CPPED1: variants seen among roughly 807,000 people sequenced by gnomAD.
The protein encoded by CPPED1 is serine/threonine-protein phosphatase CPPED1.
Under a neutral mutation model 28.0 loss-of-function variants are expected in CPPED1, and 28 were observed. The observed-to-expected ratio is 1.00, with a 90% CI of 0.74 to 1.37. The LOEUF is 1.37. Ranked by LOEUF, CPPED1 falls within the 40% of genes most tolerant of loss-of-function variation. The probability of loss-of-function intolerance (pLI) is 0.00; values close to 1 mark genes in which losing one functional copy is unlikely to be tolerated. For synonymous variants in CPPED1, 198 were observed against 180.2 expected (o/e 1.10, Z -0.79); for missense variants, 504 against 416.5 (o/e 1.21, Z -1.83).
In CPPED1 at chr16:12,665,960, T is replaced by C. The variant is rs189421036; in HGVS notation, c.716-845A>G. The stretch of plus-strand genomic sequence containing the variant: ...ACATAAACCAACAAATAAATAAATA[T>C]AAAAAAATTAGGAGGGCCTGGTGGC... On this transcript the variant is annotated intron_variant, in intron 3 of 3. Coordinates refer to ENST00000381774, the MANE Select transcript of CPPED1 (RefSeq NM_018340.3). 1.3e-3 allele frequency among the ~76,000 whole-genome samples: 195 copies of C among 151,262 alleles called. 1 individual carries two copies. Among genetic ancestry groups the C allele is most frequent in the African/African-American group, 4.5e-3 (184 of 41,196 alleles).
intron 1 of CPPED1, among the ~76,000 whole-genome samples, chr16:12,798,069 G>A (rs1234039418): frequency 1.3e-5 from 2 of 152,050 alleles, no homozygotes; most frequent in Non-Finnish European, 2.9e-5. Context: ...GGGTGACAGA[G>A]CAAGACCACC....
At chr16:12,746,993 G>C (rs2080293266) in intron 2 of CPPED1, among the ~76,000 whole-genome samples, 2 of 150,580 alleles carry the variant, frequency 1.3e-5, no homozygotes, top group Admixed American at 1.3e-4. Flanking sequence ...ACAACATATA[G>C]AAAAATGGGA....
rs2079941315 is a variant in CPPED1 at position 12,687,853 on chromosome 16, A to C, written c.715+16771T>G. 2.0e-5 allele frequency among the ~76,000 whole-genome samples: 3 copies of C among 152,136 alleles called. No homozygotes were observed. In the South Asian group the frequency reaches 6.2e-4, roughly 32 times the overall value. ...ACTCAATTAATTGAACAGATGCCCC[A>C]AAAGCAGGCACTTAACTGAGTGATT... is the stretch of plus-strand genomic sequence containing the variant. On this transcript the variant is annotated intron_variant, in intron 3 of 3. Coordinates refer to ENST00000381774, the MANE Select transcript of CPPED1 (RefSeq NM_018340.3).
intron 1 of CPPED1, among the ~76,000 whole-genome samples, chr16:12,799,696 A>T (rs1296449012): frequency 6.6e-6 from 1 of 152,208 alleles, no homozygotes; most frequent in Non-Finnish European, 1.5e-5. Flanking sequence ...GGAATTGTCA[A>T]TGAGTGCAAT....
chr16:12,781,146 TGAA>T, intron 2 of CPPED1, 36 bp downstream of exon 2: 1 of 1,573,780 alleles, frequency 6.4e-7, no homozygotes, highest in Non-Finnish European at 8.7e-7. Flanking sequence ...CATGACCGGC[TGAA>T]GGAGAAAAGG....
At chr16:12,762,948 G>A (rs1019419239) in intron 2 of CPPED1, among the ~76,000 whole-genome samples, 1 of 152,028 alleles carries the variant, frequency 6.6e-6, no homozygotes, top group African/African-American at 2.4e-5. Flanking sequence ...GAAGTCTTGC[G>A]CCGGGCACGG....
chr16:12,787,997 T>A (rs1413033962), intron 1 of CPPED1, among the ~76,000 whole-genome samples: 1 of 152,292 alleles, frequency 6.6e-6, no homozygotes, highest in East Asian at 1.9e-4. Context: ...CAGCTCCTTG[T>A]AGGTTGTAGG....
chr16:12,760,631 C>T (rs2865628), intron 2 of CPPED1: 28,036 of 152,094 alleles, frequency 0.18, 3,186 homozygotes, highest in East Asian at 0.29. Flanking sequence ...CAACTGTCTC[C>T]TGTTCAGAAG....
intron 2 of CPPED1, among the ~76,000 whole-genome samples, chr16:12,738,020 A>T (rs1567291187): frequency 6.6e-6 from 1 of 152,224 alleles, no homozygotes; most frequent in Non-Finnish European, 1.5e-5. Context: ...TTAACACGGT[A>T]CCCGACGCAG....
intron 2 of CPPED1, chr16:12,759,152 G>C (rs1461582944): frequency 9.2e-6 from 1 of 109,122 alleles, no homozygotes; most frequent in African/African-American, 3.6e-5. Context: ...AACAGACGAA[G>C]ACTCTGTCTC....
chr16:12,666,151 C>G (rs1330902402), intron 3 of CPPED1, among the ~76,000 whole-genome samples: 1 of 151,612 alleles, frequency 6.6e-6, no homozygotes, highest in East Asian at 1.9e-4. Flanking sequence ...TTATGGCATT[C>G]TAATTAAGGT....
At chr16:12,742,029 G>A (rs981450050) in intron 2 of CPPED1, among the ~76,000 whole-genome samples, 2 of 151,980 alleles carry the variant, frequency 1.3e-5, no homozygotes, top group African/African-American at 4.8e-5. Flanking sequence ...TCAGACCACT[G>A]CACTCCAGCC....
At chr16:12,747,163 C>T (rs1219459025) in intron 2 of CPPED1, among the ~76,000 whole-genome samples, 1 of 151,836 alleles carries the variant, frequency 6.6e-6, no homozygotes, top group Non-Finnish European at 1.5e-5. Flanking sequence ...GGCATGGTGG[C>T]TCATGTCTGT....
chr16:12,743,143 A>G (rs915630172), intron 2 of CPPED1, among the ~76,000 whole-genome samples: 1 of 152,240 alleles, frequency 6.6e-6, no homozygotes, highest in African/African-American at 2.4e-5. Context: ...CCCAAAATCC[A>G]GGTTCTCAGA....
At position 12,682,876 on chromosome 16, in the gene CPPED1, T is replaced by C. The variant is rs1320390673; in HGVS notation, c.716-17761A>G. Among the ~76,000 whole-genome samples the C allele has an allele frequency of 1.3e-5, 2 of 152,240 alleles. No homozygotes were observed. Among genetic ancestry groups the C allele is most frequent in the Non-Finnish European group, 2.9e-5 (2 of 68,044 alleles). ...GGAGCGTGGGGCCCACATTAAGGTT[T>C]CAATCCAGAATGGACAATTTTCTAG... On this transcript the variant is annotated intron_variant, in intron 3 of 3. Transcript: ENST00000381774. This position sits in a 1 kb window ranked among gnomAD's most constrained non-coding sequence, Gnocchi z 6.1.
intron 3 of CPPED1, among the ~76,000 whole-genome samples, chr16:12,673,547 A>G (rs577515726): frequency 1.5e-4 from 23 of 152,136 alleles, no homozygotes; most frequent in Non-Finnish European, 2.9e-4. Context: ...CAGAGAGGGG[A>G]GCATTTAATG....
chr16:12,782,873 T>C (rs926651707), intron 1 of CPPED1, among the ~76,000 whole-genome samples: 1 of 151,346 alleles, frequency 6.6e-6, no homozygotes, highest in Non-Finnish European at 1.5e-5. Context: ...TCTATCTCAA[T>C]AATAATAATA....
intron 2 of CPPED1, among the ~76,000 whole-genome samples, chr16:12,747,572 ATAAAT>A (rs998082584): frequency 3.3e-5 from 5 of 152,176 alleles, no homozygotes; most frequent in African/African-American, 1.2e-4. Context: ...TAGCTATTAA[ATAAAT>A]TAAATGTGTA....
chr16:12,715,971 T>G (rs2141194372), intron 2 of CPPED1, among the ~76,000 whole-genome samples: 1 of 152,230 alleles, frequency 6.6e-6, no homozygotes, highest in East Asian at 1.9e-4. Context: ...CACCCCTGGT[T>G]TAGAGGGAAG....
Sources: allele counts gnomAD v4.1 joint callset (sites outside exome capture counted in the v4.1 genomes callset), GRCh38; gene constraint gnomAD v4.1.1; non-coding constraint Gnocchi (gnomAD v3.1); transcripts MANE v1.5; gene names NCBI Gene and HGNC (gene_info 2026-07-23, HGNC 2026-07-21).